The following LRFN2 variants were observed in gnomAD, a reference collection of about 807,000 sequenced individuals.
LRFN2 encodes the protein leucine-rich repeat and fibronectin type-III domain-containing protein 2.
LRFN2 carries 18 observed loss-of-function variants against 37.3 expected under a neutral mutation model. The ratio of observed to expected loss-of-function variants is 0.48; its 90% CI spans 0.33 to 0.72. The LOEUF (loss-of-function observed/expected upper bound fraction) is 0.72, where lower values mean the gene tolerates loss of function less well. Among genes scored for constraint, LRFN2 ranks in the 30% least tolerant of loss-of-function variants. The probability of loss-of-function intolerance (pLI) is 0.02; values close to 1 mark genes in which losing one functional copy is unlikely to be tolerated. For synonymous variants in LRFN2, 556 were observed against 466.6 expected (o/e 1.19, Z -2.47); for missense variants, 1,006 against 1,060.7 (o/e 0.95, Z 0.72).
chr6:40,571,572 G>C (rs1025391306), intron 1 of LRFN2, among the ~76,000 whole-genome samples: 1 of 152,200 alleles, frequency 6.6e-6, no homozygotes, highest in Non-Finnish European at 1.5e-5. Flanking sequence ...GCGGAACCTC[G>C]AGATTCCAGG....
intron 1 of LRFN2, among the ~76,000 whole-genome samples, chr6:40,560,154 A>G (rs1224124023): frequency 1.3e-5 from 2 of 152,242 alleles, no homozygotes; most frequent in Non-Finnish European, 2.9e-5. Context: ...AAAACACAGA[A>G]GGTGCTAAAT....
At chr6:40,553,989 G>T (rs561252189) in intron 1 of LRFN2, among the ~76,000 whole-genome samples, 3 of 152,240 alleles carry the variant, frequency 2.0e-5, no homozygotes, top group African/African-American at 7.2e-5. Context: ...GTGGTTTCAG[G>T]TGCCTCTCTC....
At chr6:40,462,762 C>T (rs1008393613) in intron 1 of LRFN2, among the ~76,000 whole-genome samples, 1 of 152,142 alleles carries the variant, frequency 6.6e-6, no homozygotes, top group African/African-American at 2.4e-5. Context: ...AGGAGGTACC[C>T]AAGGTAACAA....
chr6:40,571,071 A>C (rs1182191265), intron 1 of LRFN2, among the ~76,000 whole-genome samples: 2 of 152,210 alleles, frequency 1.3e-5, no homozygotes, highest in Non-Finnish European at 2.9e-5. Context: ...CTGGAGAGGA[A>C]TCACCTCTTG....
chr6:40,457,637 TAAAAAA>T (rs70984171), intron 1 of LRFN2, among the ~76,000 whole-genome samples: 4 of 101,398 alleles, frequency 3.9e-5, no homozygotes, highest in East Asian at 6.1e-4. Flanking sequence ...AGACCCTGTT[TAAAAAA>T]AAAAAAAAAA....
chr6:40,533,158 GTCTCTGTC>G (rs200626789), intron 1 of LRFN2, among the ~76,000 whole-genome samples: 14,284 of 151,934 alleles, frequency 0.094, 717 homozygotes, highest in South Asian at 0.11. Flanking sequence ...CTCTGCCTCT[GTCTCTGTC>G]TCTCTGTCTC....
At chr6:40,437,683 C>T (rs938568029) in intron 1 of LRFN2, among the ~76,000 whole-genome samples, 4 of 152,074 alleles carry the variant, frequency 2.6e-5, no homozygotes, top group Non-Finnish European at 5.9e-5. Context: ...AAACAAAAGG[C>T]GGCTTAAATC....
rs139454114 is a variant in LRFN2, at chr6:40,428,025, C to G, written c.1400+3689G>C. 1.7e-4 allele frequency among the ~76,000 whole-genome samples: 26 copies of G among 152,308 alleles called. No homozygotes were observed. The East Asian group carries it at 5.0e-3, about 29-fold the overall frequency. On this transcript the variant is annotated intron_variant, in intron 2 of 2. Coordinates refer to ENST00000338305, the MANE Select transcript of LRFN2 (RefSeq NM_020737.3). ...CAGATTCCATCTCTGCTACTTACCCCCTGTTTAACACCTTGAGCAAGTTTC... is the reference window on the plus strand; with the variant it reads ...CAGATTCCATCTCTGCTACTTACCCGCTGTTTAACACCTTGAGCAAGTTTC...
At chr6:40,437,842 G>C (rs989444375) in intron 1 of LRFN2, among the ~76,000 whole-genome samples, 10 of 152,198 alleles carry the variant, frequency 6.6e-5, no homozygotes, top group African/African-American at 2.4e-4. Flanking sequence ...TCTTAGGGTG[G>C]TGTAGGTGGT....
chr6:40,458,445 G>A (rs542372908), intron 1 of LRFN2, among the ~76,000 whole-genome samples: 1 of 152,192 alleles, frequency 6.6e-6, no homozygotes, highest in South Asian at 2.1e-4. Flanking sequence ...AGCCATACAT[G>A]TCAGTCTAGG....
At chr6:40,548,335 G>A (rs1294704012) in intron 1 of LRFN2, among the ~76,000 whole-genome samples, 1 of 152,080 alleles carries the variant, frequency 6.6e-6, no homozygotes, top group Non-Finnish European at 1.5e-5. Context: ...CAGTTACTTG[G>A]GAGGCAGAGG....
intron 1 of LRFN2, among the ~76,000 whole-genome samples, chr6:40,444,933 C>T (rs1763932678): frequency 6.6e-6 from 1 of 151,994 alleles, no homozygotes; most frequent in Non-Finnish European, 1.5e-5. Flanking sequence ...AGTCTCCTCC[C>T]TGTTGACTTT....
At chr6:40,535,073 C>G (rs533874497) in intron 1 of LRFN2, among the ~76,000 whole-genome samples, 2 of 152,280 alleles carry the variant, frequency 1.3e-5, no homozygotes, top group African/African-American at 4.8e-5. Flanking sequence ...TGGGCAGCTG[C>G]AGGTCGAGCC....
chr6:40,400,421 C>CTTTTTTTTT (rs34460828), intron 2 of LRFN2, among the ~76,000 whole-genome samples: 1 of 128,682 alleles, frequency 7.8e-6, no homozygotes, highest in Non-Finnish European at 1.6e-5. Flanking sequence ...GGTACTTTTC[C>CTTTTTTTTT]TTTTTTTTTT....
chr6:40,496,247 A>G lies in LRFN2; in HGVS notation c.-18-63116T>C, dbSNP rs574425921. Among the ~76,000 whole-genome samples the G allele has an allele frequency of 4.6e-5, 7 of 152,136 alleles. No individual in the cohort carries two copies. In the South Asian group the frequency reaches 1.5e-3, roughly 32 times the overall value. ...CATGTCACCATCCTCTCTCACTTGGACCACATTAATCTTCTAATTTATCCT... is the reference window on the plus strand; with the variant it reads ...CATGTCACCATCCTCTCTCACTTGGGCCACATTAATCTTCTAATTTATCCT... On this transcript the variant is annotated intron_variant, in intron 1 of 2. Coordinates refer to ENST00000338305, the MANE Select transcript of LRFN2 (RefSeq NM_020737.3).
intron 1 of LRFN2, among the ~76,000 whole-genome samples, chr6:40,555,379 C>T (rs1420856842): frequency 2.6e-5 from 4 of 152,154 alleles, no homozygotes; most frequent in African/African-American, 9.7e-5. Flanking sequence ...GACCCTCCTC[C>T]TCCTCTCCCC....
chr6:40,546,259 G>A (rs965110653), intron 1 of LRFN2, among the ~76,000 whole-genome samples: 4 of 152,186 alleles, frequency 2.6e-5, no homozygotes, highest in South Asian at 2.1e-4. Flanking sequence ...ATGCAGCTGA[G>A]GATGCAGCTC....
intron 1 of LRFN2, among the ~76,000 whole-genome samples, chr6:40,546,975 A>T (rs932358207): frequency 3.3e-5 from 5 of 152,218 alleles, no homozygotes; most frequent in Non-Finnish European, 7.3e-5. Flanking sequence ...TCCTAGTATT[A>T]CTGAGAGAAT....
chr6:40,499,904 G>A (rs772926684), intron 1 of LRFN2, among the ~76,000 whole-genome samples: 2 of 152,222 alleles, frequency 1.3e-5, no homozygotes, highest in Non-Finnish European at 2.9e-5. Flanking sequence ...AAAATGGGAA[G>A]AACAGCAGCA....
Sources: gnomAD v4.1 joint callset for allele counts (sites outside exome capture counted in the v4.1 genomes callset) on GRCh38, gnomAD v4.1.1 for gene constraint, MANE v1.5 for transcripts, NCBI Gene and HGNC (gene_info 2026-07-23, HGNC 2026-07-21) for gene names.